The following GRID2 variants were observed in gnomAD, a reference collection of about 807,000 sequenced individuals.
GRID2 encodes the protein glutamate ionotropic receptor delta type subunit 2.
Under a neutral mutation model 114.8 loss-of-function variants are expected in GRID2, and 33 were observed. The observed-to-expected ratio is 0.29, with a 90% confidence interval of 0.22 to 0.38. GRID2 has a LOEUF of 0.38. Ranked by LOEUF, GRID2 falls within the 10% of genes least tolerant of loss-of-function variation. GRID2 has a pLI of 1.00. For missense variants in GRID2, 1,184 were observed against 1,257.7 expected (o/e 0.94, Z 0.89); for synonymous variants, 505 against 449.9 (o/e 1.12, Z -1.55).
At chr4:92,452,373 A>C (rs1195734792) in intron 1 of GRID2, among the ~76,000 whole-genome samples, 1 of 150,096 alleles carries the variant, frequency 6.7e-6, no homozygotes, top group Non-Finnish European at 1.5e-5. Flanking sequence ...GCTGGAGTGC[A>C]GTGGCACGAT....
At chr4:93,084,421 A>C (rs1730153088) in intron 2 of GRID2, among the ~76,000 whole-genome samples, 1 of 152,216 alleles carries the variant, frequency 6.6e-6, no homozygotes, top group Non-Finnish European at 1.5e-5. Flanking sequence ...AAATAACAAA[A>C]ACATTTTTGT....
At chr4:93,542,882 C>A (rs1414270117) in intron 13 of GRID2, among the ~76,000 whole-genome samples, 1 of 152,140 alleles carries the variant, frequency 6.6e-6, no homozygotes, top group African/African-American at 2.4e-5. Flanking sequence ...AAGCAGTGAT[C>A]TTAACCATCT....
intron 2 of GRID2, among the ~76,000 whole-genome samples, chr4:92,825,352 A>G (rs1741619535): frequency 6.6e-6 from 1 of 152,156 alleles, no homozygotes; most frequent in Non-Finnish European, 1.5e-5. Flanking sequence ...ACTCTTGGCC[A>G]GGTACCAAGT....
At chr4:92,410,406 G>A (rs1203515233) in intron 1 of GRID2, among the ~76,000 whole-genome samples, 1 of 152,198 alleles carries the variant, frequency 6.6e-6, no homozygotes, top group Admixed American at 6.6e-5. Flanking sequence ...ACTTAGTTGA[G>A]AGATACAATT....
chr4:92,327,885 G>A (rs940547417), intron 1 of GRID2, among the ~76,000 whole-genome samples: 1 of 151,920 alleles, frequency 6.6e-6, no homozygotes, highest in African/African-American at 2.4e-5. Flanking sequence ...GAAATAGGAA[G>A]TTAAGACTAT....
At chr4:93,467,643 C>A (rs1724420793) in intron 11 of GRID2, among the ~76,000 whole-genome samples, 1 of 152,178 alleles carries the variant, frequency 6.6e-6, no homozygotes, top group Non-Finnish European at 1.5e-5. Flanking sequence ...AGGGTTAAGG[C>A]CACTTAGCCT....
intron 2 of GRID2, among the ~76,000 whole-genome samples, chr4:92,610,478 A>G (rs1271643543): frequency 6.6e-6 from 1 of 151,610 alleles, no homozygotes; most frequent in Non-Finnish European, 1.5e-5. Context: ...CCACCTTAGT[A>G]AGGATATCCA....
chr4:93,053,933 A>T (rs1206199731), intron 2 of GRID2, among the ~76,000 whole-genome samples: 2 of 151,900 alleles, frequency 1.3e-5, no homozygotes, highest in Non-Finnish European at 2.9e-5. Flanking sequence ...GAAGTTTTGC[A>T]TCTCAATCTA....
chr4:92,975,652 C>A (rs1427442081), intron 2 of GRID2, among the ~76,000 whole-genome samples: 2 of 152,046 alleles, frequency 1.3e-5, no homozygotes, highest in African/African-American at 4.8e-5. Context: ...GTGCTTTTTA[C>A]AATCAATGAT....
chr4:93,701,154 T>C (rs1727475145), intron 14 of GRID2, among the ~76,000 whole-genome samples: 1 of 152,186 alleles, frequency 6.6e-6, no homozygotes, highest in South Asian at 2.1e-4. Context: ...GTATTAAATA[T>C]GTTTTATTCC....
intron 8 of GRID2, among the ~76,000 whole-genome samples, chr4:93,332,026 C>G (rs993633488): frequency 3.3e-5 from 5 of 152,180 alleles, no homozygotes; most frequent in African/African-American, 1.2e-4. Flanking sequence ...GCTAATTGGT[C>G]TACATATAGC....
intron 8 of GRID2, among the ~76,000 whole-genome samples, chr4:93,380,802 T>C (rs1223360081): frequency 6.6e-6 from 1 of 152,062 alleles, no homozygotes; most frequent in Non-Finnish European, 1.5e-5. Context: ...CTCTAAAGCA[T>C]ATTGTCTTAA....
intron 2 of GRID2, among the ~76,000 whole-genome samples, chr4:92,723,113 C>A (rs1735891849): frequency 6.6e-6 from 1 of 151,910 alleles, no homozygotes; most frequent in Admixed American, 6.6e-5. Context: ...GTGATTGACC[C>A]CCAAATATCT....
chr4:92,304,872 C>T, intron 1 of GRID2, 128 bp downstream of exon 1: 1 of 712,712 alleles, frequency 1.4e-6, no homozygotes, highest in Non-Finnish European at 2.5e-6. Context: ...TTGCCCCTTC[C>T]CGCTACCCTT....
At chr4:92,953,535 T>C (rs1215334567) in intron 2 of GRID2, among the ~76,000 whole-genome samples, 1 of 152,184 alleles carries the variant, frequency 6.6e-6, no homozygotes, top group African/African-American at 2.4e-5. Context: ...TATTATATTT[T>C]CTCTTTGTTC....
In GRID2 at chr4:93,110,798, G is replaced by T; in HGVS notation, c.580G>T (p.Asp194Tyr). 6.2e-7 allele frequency: 1 copy of T among 1,612,966 alleles called. No individual in the cohort carries two copies. The change falls in exon 4 of 16, where the codon GAT becomes TAT. Residue 194 changes from aspartate (D) to tyrosine (Y), a missense_variant. By Grantham distance (160) the Asp-to-Tyr change is radical. Around this residue, in one of 3 missense-constraint regions of GRID2, gnomAD observed 455 missense variants for 429.5 expected, o/e 1.06. Coordinates refer to ENST00000282020, the MANE Select transcript of GRID2 (RefSeq NM_001510.4). Reference protein sequence around the residue: ...FLDKVSQQGMDVALQKVENNI... With the variant: ...FLDKVSQQGMYVALQKVENNI... ...GGACAAAGTCTCTCAGCAGGGAATG[G>T]ATGTTGCACTTCAGAAGGTAGAAAA...
intron 1 of GRID2, among the ~76,000 whole-genome samples, chr4:92,378,539 C>G (rs528104843): frequency 6.6e-6 from 1 of 152,032 alleles, no homozygotes; most frequent in South Asian, 2.1e-4. Flanking sequence ...TTTATATTTA[C>G]TATATTAATT....
intron 1 of GRID2, among the ~76,000 whole-genome samples, chr4:92,374,527 C>T (rs779700085): frequency 2.0e-5 from 3 of 152,078 alleles, no homozygotes; most frequent in Non-Finnish European, 4.4e-5. Flanking sequence ...CTCAGGACCT[C>T]CTGAGGGCTG....
chr4:93,610,956 G>T (rs1256300027), intron 13 of GRID2, among the ~76,000 whole-genome samples: 1 of 134,800 alleles, frequency 7.4e-6, no homozygotes, highest in African/African-American at 3.1e-5. Context: ...GACTCTTTTA[G>T]GTTGGTAAAC....
Sources: allele counts gnomAD v4.1 joint callset (sites outside exome capture counted in the v4.1 genomes callset), GRCh38; gene constraint gnomAD v4.1.1; regional missense constraint gnomAD v4.1.1; transcripts MANE v1.5; gene names NCBI Gene and HGNC (gene_info 2026-07-23, HGNC 2026-07-21).